The following NPAS1 variants were observed in gnomAD, a reference collection of about 807,000 sequenced individuals.
The protein encoded by NPAS1 is neuronal PAS domain-containing protein 1.
Under a neutral mutation model 49.2 loss-of-function variants are expected in NPAS1, and 29 were observed. The ratio of observed to expected loss-of-function variants is 0.59; its 90% confidence interval spans 0.44 to 0.80. The LOEUF (loss-of-function observed/expected upper bound fraction) is 0.80. Ranked by LOEUF, NPAS1 falls within the 30% of genes least tolerant of loss-of-function variation. The pLI is 0.00. For synonymous variants in NPAS1, 408 were observed against 380.4 expected, an observed-to-expected ratio of 1.07 and a Z score of -0.84; for missense variants, 825 against 835.5, an observed-to-expected ratio of 0.99 and a Z score of 0.15.
intron 10 of NPAS1, among the ~76,000 whole-genome samples, chr19:47,041,831 T>C (rs2057024379): frequency 6.6e-6 from 1 of 150,928 alleles, no homozygotes; most frequent in Non-Finnish European, 1.5e-5. Context: ...ATTTTTTTAA[T>C]TGGCCCGTTA....
chr19:47,036,974 C>A (rs2056962893), intron 6 of NPAS1, among the ~76,000 whole-genome samples: 1 of 148,712 alleles, frequency 6.7e-6, no homozygotes, highest in South Asian at 2.2e-4. Context: ...GGGAGGATGG[C>A]TTGAGCCTTG....
intron 3 of NPAS1, among the ~76,000 whole-genome samples, chr19:47,025,501 C>G (rs1189607473): frequency 1.3e-5 from 2 of 151,740 alleles, no homozygotes; most frequent in Non-Finnish European, 2.9e-5. Flanking sequence ...TGGTCTCAAA[C>G]TCCTGACCTC....
intron 11 of NPAS1, among the ~76,000 whole-genome samples, chr19:47,043,908 T>A (rs10439110): frequency 1.5e-4 from 23 of 151,410 alleles, no homozygotes; most frequent in African/African-American, 5.1e-4. Context: ...CAACAAAAAA[T>A]TTTAAAACTT....
chr19:47,025,797 A>G (rs10423089), intron 3 of NPAS1, among the ~76,000 whole-genome samples: 8,765 of 151,952 alleles, frequency 0.058, 860 homozygotes, highest in African/African-American at 0.2. Context: ...CTGCTCTCAC[A>G]TTCCTGGGAT....
chr19:47,023,338 G>A (rs2056853413), intron 3 of NPAS1, among the ~76,000 whole-genome samples: 1 of 152,194 alleles, frequency 6.6e-6, no homozygotes, highest in Non-Finnish European at 1.5e-5. Context: ...GCATTCCGGG[G>A]CTCAGAGGCA....
In NPAS1 at chr19:47,040,777, C is replaced by T. The variant is rs2057011556; in HGVS notation, c.1070-201C>T. 1.8e-5 allele frequency: 11 copies of T among 607,882 alleles called. No homozygotes were observed. In the South Asian group the frequency reaches 2.1e-4, roughly 12 times the overall value. The allele number at this position is 607,882 out of a possible 1,614,324, so 37.7% of individuals were successfully genotyped here. On this transcript the variant is annotated intron_variant, in intron 9 of 11. Coordinates refer to ENST00000602212, the MANE Select transcript of NPAS1 (RefSeq NM_002517.4). ...GGGGGGCTGTGGGGTCTCCAAAACA[C>T]CCAAGAGGCCTCGCTGCTGGGCTAC...
chr19:47,031,042 T>C (rs1478479269), intron 3 of NPAS1, among the ~76,000 whole-genome samples: 2 of 152,120 alleles, frequency 1.3e-5, no homozygotes, highest in African/African-American at 4.8e-5. Context: ...GTCTCCTCTC[T>C]GCCTCCTTCT....
intron 3 of NPAS1, among the ~76,000 whole-genome samples, chr19:47,029,201 C>T (rs2056891295): frequency 6.6e-6 from 1 of 151,736 alleles, no homozygotes; most frequent in South Asian, 2.1e-4. Context: ...CCTGCCTCAG[C>T]CTCCAGAGTA....
At chr19:47,032,121 T>C (rs2056909588) in intron 3 of NPAS1, among the ~76,000 whole-genome samples, 157 bp from the exon 4 acceptor site, 1 of 152,094 alleles carries the variant, frequency 6.6e-6, no homozygotes, top group African/African-American at 2.4e-5. Flanking sequence ...CACCTGTGTG[T>C]CCCACGCCCC....
intron 7 of NPAS1, 63 bp from the exon 8 acceptor site, chr19:47,039,344 G>C: frequency 6.3e-7 from 1 of 1,597,498 alleles, no homozygotes; most frequent in Non-Finnish European, 8.5e-7. Flanking sequence ...CCAGCCCAGT[G>C]ATGGTCCTCT....
At chr19:47,026,800 C>T (rs2056873648) in intron 3 of NPAS1, among the ~76,000 whole-genome samples, 1 of 145,268 alleles carries the variant, frequency 6.9e-6, no homozygotes, top group African/African-American at 2.6e-5. Context: ...ACTAAAAATA[C>T]AAAAATTAGC....
intron 3 of NPAS1, among the ~76,000 whole-genome samples, chr19:47,024,157 C>A (rs1209904756): frequency 6.6e-6 from 1 of 151,880 alleles, no homozygotes; most frequent in Non-Finnish European, 1.5e-5. Flanking sequence ...TTTGGTGGCA[C>A]CCGCCTGTAG....
chr19:47,045,041 AAAAAC>A (rs2057060113), intron 11 of NPAS1, 145 bp from the exon 12 acceptor site: 3 of 828,436 alleles, frequency 3.6e-6, no homozygotes, highest in Non-Finnish European at 5.6e-6. Context: ...CAAAAAAACA[AAAAAC>A]AAAAACAAAA....
intron 1 of NPAS1, 142 bp from the exon 2 acceptor site, chr19:47,020,864 C>T (rs1302006557): frequency 2.2e-6 from 1 of 451,124 alleles, no homozygotes; most frequent in Non-Finnish European, 3.9e-6. Context: ...GCTGAGGCCT[C>T]CAGGTAGGGG....
chr19:47,023,268 G>A (rs1054879656), intron 3 of NPAS1, among the ~76,000 whole-genome samples: 3 of 152,146 alleles, frequency 2.0e-5, no homozygotes, highest in East Asian at 3.9e-4. Flanking sequence ...CGAGCTGAAG[G>A]GGGGGAAAGG....
intron 5 of NPAS1, chr19:47,035,296 T>G (rs1162667286): frequency 6.6e-6 from 1 of 152,428 alleles, no homozygotes; most frequent in Non-Finnish European, 1.5e-5. Flanking sequence ...GATAACGGAC[T>G]GAGGGAAGCA....
intron 3 of NPAS1, among the ~76,000 whole-genome samples, chr19:47,028,906 C>A (rs2056889708): frequency 6.6e-6 from 1 of 152,062 alleles, no homozygotes; most frequent in East Asian, 1.9e-4. Flanking sequence ...CTCTGCCTAC[C>A]CCCAGCACAA....
chr19:47,041,167 C>T (rs765599686), intron 10 of NPAS1, 42 bp downstream of exon 10: 3 of 1,484,914 alleles, frequency 2.0e-6, no homozygotes, highest in Non-Finnish European at 2.7e-6. Flanking sequence ...ACTCAGGGCC[C>T]TGCTGTCTCT....
rs768744499 is a variant in NPAS1, at chr19:47,032,312, C to T, written c.393C>T (p.Ser131=). The T allele has an allele frequency of 7.4e-6, 12 of 1,614,034 alleles. No individual in the cohort carries two copies. The highest frequency in any genetic ancestry group is 1.6e-4 in the Middle Eastern group (1 of 6,062). ...PGRRGPAALV[S]EVFEQHLGGH... ...GCCGCGGCCCCGCAGCGCTGGTCTC[C>T]GAAGTCTTCGAGCAGCACCTGGGAG... is the stretch of plus-strand genomic sequence containing the variant. Residue 131 remains serine (S), a synonymous_variant, in exon 4 of 12, where the codon TCC becomes TCT. Coordinates refer to ENST00000602212, the MANE Select transcript of NPAS1 (RefSeq NM_002517.4).
Sources: gnomAD v4.1 joint callset for allele counts (sites outside exome capture counted in the v4.1 genomes callset) on GRCh38, gnomAD v4.1.1 for gene constraint, MANE v1.5 for transcripts, NCBI Gene and HGNC (gene_info 2026-07-23, HGNC 2026-07-21) for gene names.